The following PPP1R12C variants were observed in gnomAD, a reference collection of about 807,000 sequenced individuals.
The protein encoded by PPP1R12C is leukocyte receptor cluster (LRC) encoded novel gene 3.
A neutral mutation model predicts 95.6 loss-of-function variants in PPP1R12C; 48 were observed. The ratio of observed to expected loss-of-function variants is 0.50; its 90% CI spans 0.40 to 0.64. PPP1R12C has a LOEUF of 0.64. Ranked by LOEUF, PPP1R12C falls within the 30% of genes least tolerant of loss-of-function variation. The probability of loss-of-function intolerance (pLI) is 0.00; values close to 1 mark genes in which losing one functional copy is unlikely to be tolerated. For missense variants in PPP1R12C, 1,057 were observed against 1,083.3 expected (o/e 0.98, Z 0.34); for synonymous variants, 480 against 460.8 (o/e 1.04, Z -0.53).
Position 55,092,553 on chromosome 19 carries a change from G to C in PPP1R12C, c.1953-9C>G. The C allele has an allele frequency of 6.3e-7, 1 of 1,592,926 alleles. No individual in the cohort carries two copies. Among genetic ancestry groups the C allele is most frequent in the South Asian group, 1.1e-5 (1 of 88,682 alleles). On this transcript the variant is annotated splice_polypyrimidine_tract_variant and intron_variant, in intron 17 of 21. Transcript: ENST00000263433. ...GGCCGCCCTCCAGGGTGCTGGGGCA[G>C]GGGAGGAGCGCGCGTCAGGGGCCGG...
intron 1 of PPP1R12C, 92 bp downstream of exon 1, chr19:55,117,131 G>A: frequency 2.8e-6 from 3 of 1,075,094 alleles, no homozygotes; most frequent in Non-Finnish European, 3.5e-6. Context: ...CGACGGGGCG[G>A]ATCGAGACTG....
At chr19:55,112,319 T>C in intron 3 of PPP1R12C, 148 bp downstream of exon 3, 1 of 705,906 alleles carries the variant, frequency 1.4e-6, no homozygotes, top group Middle Eastern at 4.1e-4. Flanking sequence ...ACACCCCCAT[T>C]TCACAGGTGA....
rs2084901712 is a variant in PPP1R12C, at chr19:55,095,587, G to A, written c.1244C>T (p.Pro415Leu). 6 of 1,570,790 alleles carry A rather than the reference G, an allele frequency of 3.8e-6. No individual in the cohort carries two copies. In the African/African-American group the frequency reaches 4.1e-5, roughly 11 times the overall value. Residue 415 changes from proline to leucine, a missense_variant, in exon 10 of 22, where the codon CCC (proline) becomes CTC (leucine). Pro to Leu is a moderately conservative substitution (Grantham distance 98). Around this residue, in one of 5 missense-constraint regions of PPP1R12C, gnomAD observed 356 missense variants for 330.5 expected, o/e 1.08. Transcript: ENST00000263433. ...PKSPVQLEEA[P>L]FSRRFGLLKT... Reference sequence around the variant, plus strand: ...CAGGAGGCCAAAGCGCCTGGAGAAGGGGGCCTCTTCAAGCTGCTGGGAGAA... The same window carrying A: ...CAGGAGGCCAAAGCGCCTGGAGAAGAGGGCCTCTTCAAGCTGCTGGGAGAA...
intron 3 of PPP1R12C, among the ~76,000 whole-genome samples, chr19:55,105,099 A>G (rs1046750888): frequency 1.5e-5 from 2 of 134,184 alleles, no homozygotes; most frequent in African/African-American, 5.7e-5. Context: ...AGGACCTCAC[A>G]CTGTCACCCA....
At chr19:55,099,160 G>A (rs1395611445) in intron 4 of PPP1R12C, 65 bp from the exon 5 acceptor site, 6 of 1,445,764 alleles carry the variant, frequency 4.2e-6, no homozygotes, top group Non-Finnish European at 4.6e-6. Context: ...GCTGATTTCG[G>A]CCAGCGGTTT....
rs756072055 is a variant in PPP1R12C, at chr19:55,093,148, C to CT, written c.1764+4dup. ...ACCCCACTCGCCCTCGCTGACCCCT[C>CT]TCACCAGGCTCTGCGCCGGCTTCTC... On this transcript the variant is annotated splice_donor_region_variant and intron_variant, in intron 14 of 21. Transcript: ENST00000263433. 1 of 1,613,686 alleles carries CT rather than the reference C, an allele frequency of 6.2e-7. No homozygotes were observed. The highest frequency in any genetic ancestry group is 8.5e-7 in the Non-Finnish European group (1 of 1,179,958).
At position 55,098,405 on chromosome 19, in the gene PPP1R12C, G is replaced by A. The variant is rs565210012; in HGVS notation, c.951+379C>T. Among the ~76,000 whole-genome samples the A allele has an allele frequency of 2.5e-4, 38 of 152,342 alleles. No homozygotes were observed. The East Asian group carries it at 6.2e-3, about 25-fold the overall frequency. On this transcript the variant is annotated intron_variant, in intron 6 of 21. Transcript: ENST00000263433. Reference sequence around the variant, plus strand: ...TAAGTTTTCCCAGCAAGGCTGCCCCGGGGATGGCTGGGGGACACCTTGTGG... The same window carrying A: ...TAAGTTTTCCCAGCAAGGCTGCCCCAGGGATGGCTGGGGGACACCTTGTGG...
intron 1 of PPP1R12C, chr19:55,113,851 T>G (rs1219280557): frequency 1.1e-5 from 2 of 185,078 alleles, no homozygotes; most frequent in Non-Finnish European, 2.2e-5. Context: ...CAATGGGCCT[T>G]TCCCTTTCAA....
rs1197512885 is a variant in PPP1R12C at position 55,117,604 on chromosome 19, G to T, written c.-61C>A. On this transcript the variant is annotated 5_prime_UTR_variant, in exon 1 of 22. Transcript: ENST00000263433. ...CGAGCCCCAACCGCCGCCACCACCC[G>T]CCCGCCCGCCCGCCCCGGGGGCCGC... 3 of 793,394 alleles carry T rather than the reference G, an allele frequency of 3.8e-6. No homozygotes were observed. Among genetic ancestry groups the T allele is most frequent in the East Asian group, 1.9e-4 (1 of 5,354 alleles). The allele number at this position is 793,394 out of a possible 1,614,324, so 49.1% of individuals were successfully genotyped here.
intron 1 of PPP1R12C, 40 bp from the exon 2 acceptor site, chr19:55,112,835 C>A (rs1259733511): frequency 6.2e-7 from 1 of 1,606,624 alleles, no homozygotes; most frequent in Admixed American, 1.7e-5. Flanking sequence ...CCTACCCCAG[C>A]CACGGTGTCC....
At chr19:55,096,234 C>G (rs1337232874) in intron 7 of PPP1R12C, 28 bp downstream of exon 7, 2 of 1,613,612 alleles carry the variant, frequency 1.2e-6, no homozygotes, top group Admixed American at 1.7e-5. Context: ...AGCCACCCCG[C>G]CAGCCCTGGA....
Position 55,091,901 on chromosome 19 carries a change from T to C in PPP1R12C, c.2169A>G (p.Glu723=), listed in dbSNP as rs765316066. 6.2e-6 allele frequency: 10 copies of C among 1,613,054 alleles called. No homozygotes were observed. The highest frequency in any genetic ancestry group is 1.6e-4 in the Middle Eastern group (1 of 6,082). ...VELERATQRQ[E]RFAERPALLE... ...GGAGGGCTGGCCTCTCAGCGAAGCG[T>C]TCTTGCCTCTGGTGAGGACACAGAA... The change falls in exon 20 of 22, where the codon GAA becomes GAG. Residue 723 remains glutamate (E), a synonymous_variant. Coordinates refer to ENST00000263433, the MANE Select transcript of PPP1R12C (RefSeq NM_017607.4).
chr19:55,092,331 G>A lies in PPP1R12C; in HGVS notation c.2056-5C>T, dbSNP rs769133259. On this transcript the variant is annotated splice_region_variant and splice_polypyrimidine_tract_variant and intron_variant, in intron 18 of 21. Coordinates refer to ENST00000263433, the MANE Select transcript of PPP1R12C (RefSeq NM_017607.4). ...CCTGCGCAGCTCTGCATACAGCTGG[G>A]GGTCAGGTAGAGGAGGGTCAGGTGG... is the stretch of plus-strand genomic sequence containing the variant. 6.3e-7 allele frequency: 1 copy of A among 1,590,462 alleles called. No homozygotes were observed. The highest frequency in any genetic ancestry group is 1.8e-5 in the Admixed American group (1 of 56,988).
intron 3 of PPP1R12C, among the ~76,000 whole-genome samples, chr19:55,105,834 TG>T (rs2085032475): frequency 6.6e-6 from 1 of 151,860 alleles, no homozygotes. Context: ...CTCAGCTACT[TG>T]GGAGGCTGAG....
intron 3 of PPP1R12C, among the ~76,000 whole-genome samples, chr19:55,104,315 T>C (rs2085014141): frequency 6.7e-6 from 1 of 149,330 alleles, no homozygotes; most frequent in Admixed American, 6.7e-5. Flanking sequence ...ACATTTCCTA[T>C]ATATATAAAA....
chr19:55,113,819 T>C lies in PPP1R12C; in HGVS notation c.322-1024A>G, dbSNP rs1603009539. On this transcript the variant is annotated intron_variant, in intron 1 of 21. Coordinates refer to ENST00000263433, the MANE Select transcript of PPP1R12C (RefSeq NM_017607.4). The stretch of plus-strand genomic sequence containing the variant: ...TATTTCCACCCAGTTGTCATGGCGA[T>C]AGGGGAGGGGGGCAAGGAGAGCAAT... The C allele has an allele frequency of 1.4e-5, 3 of 213,932 alleles. No homozygotes were observed. The East Asian group carries it at 2.9e-4, about 21-fold the overall frequency. 13.3% of individuals were successfully genotyped at this position (213,932 alleles called of 1,614,324 possible).
chr19:55,097,778 A>G (rs2084938807), intron 6 of PPP1R12C, among the ~76,000 whole-genome samples: 1 of 152,178 alleles, frequency 6.6e-6, no homozygotes, highest in Non-Finnish European at 1.5e-5. Flanking sequence ...CGTCTTCCAG[A>G]AAGTGTCCCC....
At position 55,098,996 on chromosome 19, in the gene PPP1R12C, G is replaced by A; in HGVS notation, c.831C>T (p.Arg277=). 4.5e-6 allele frequency: 7 copies of A among 1,559,880 alleles called. No individual in the cohort carries two copies. The highest frequency in any genetic ancestry group is 5.2e-6 in the Non-Finnish European group (6 of 1,152,086). The change falls in exon 5 of 22, where the codon CGC becomes CGT. Residue 277 remains arginine (R), a synonymous_variant. Transcript: ENST00000263433. The part of the protein sequence containing the change: ...AAHWGVEDAC[R]LLAEHGGGMD... Reference sequence around the variant, plus strand: ...TGCCCCCGCCATGCTCGGCCAGCAGGCGGCAGGCATCCTCCACGCCCCAGT... The same window carrying A: ...TGCCCCCGCCATGCTCGGCCAGCAGACGGCAGGCATCCTCCACGCCCCAGT...
chr19:55,103,409 C>A lies in PPP1R12C; in HGVS notation c.731G>T (p.Arg244Met). 6.7e-7 allele frequency: 1 copy of A among 1,502,072 alleles called. No homozygotes were observed. Among genetic ancestry groups the A allele is most frequent in the Non-Finnish European group, 9.0e-7 (1 of 1,111,428 alleles). The allele number at this position is 1,502,072 out of a possible 1,614,324, so 93.0% of individuals were successfully genotyped here. A position where few individuals can be genotyped will look rare whatever the true frequency, so the allele number is the denominator to read the frequency against. Residue 244 changes from arginine (R) to methionine (M), a missense_variant and splice_region_variant, in exon 4 of 22, where the codon AGG (arginine) becomes ATG (methionine). Arg to Met is a moderately conservative substitution (Grantham distance 91). Around this residue, in one of 5 missense-constraint regions of PPP1R12C, gnomAD observed 282 missense variants for 380.4 expected, o/e 0.74. Transcript: ENST00000263433. Reference sequence around the variant, plus strand: ...GATGGAACAGACTGGCCCAACTCACCTCATCACCTCAATGTAGCCCTTGGC... The same window carrying A: ...GATGGAACAGACTGGCCCAACTCACATCATCACCTCAATGTAGCCCTTGGC... ...AAAKGYIEVMRLLLQAGYDPE... is the reference protein window; with the variant it reads ...AAAKGYIEVMMLLLQAGYDPE...
Sources: gnomAD v4.1 joint callset for allele counts (sites outside exome capture counted in the v4.1 genomes callset) on GRCh38, gnomAD v4.1.1 for gene constraint, gnomAD v4.1.1 regional missense constraint, MANE v1.5 for transcripts, NCBI Gene and HGNC (gene_info 2026-07-23, HGNC 2026-07-21) for gene names.